Variants in CLIC4 observed in about 807,000 individuals in gnomAD.
CLIC4 encodes chloride intracellular channel protein 4.
A neutral mutation model predicts 24.6 loss-of-function variants in CLIC4; 13 were observed. The observed-to-expected ratio is 0.53, with a 90% CI of 0.34 to 0.84. CLIC4 has a LOEUF of 0.84. CLIC4 is among the 40% of genes least tolerant of loss of function. CLIC4 has a pLI of 0.01. For synonymous variants in CLIC4, 104 were observed against 111.3 expected (o/e 0.93, Z 0.41); for missense variants, 227 against 301.7 (o/e 0.75, Z 1.83).
chr1:24,786,644 G>A (rs1210151581), intron 1 of CLIC4, among the ~76,000 whole-genome samples: 1 of 151,970 alleles, frequency 6.6e-6, no homozygotes, highest in Non-Finnish European at 1.5e-5. Context: ...TTCAGACGGA[G>A]TCTTGCTCTG....
At chr1:24,805,839 A>G (rs1326492480) in intron 2 of CLIC4, among the ~76,000 whole-genome samples, 1 of 152,208 alleles carries the variant, frequency 6.6e-6, no homozygotes, top group African/African-American at 2.4e-5. Flanking sequence ...GTCTCTTAAA[A>G]TATTAGCTCC....
At chr1:24,795,294 A>C (rs187965532) in intron 1 of CLIC4, among the ~76,000 whole-genome samples, 3 of 152,316 alleles carry the variant, frequency 2.0e-5, no homozygotes, top group Non-Finnish European at 4.4e-5. Flanking sequence ...CCATTCATTA[A>C]GTAGGATTAG....
At position 24,839,780 on chromosome 1, in the gene CLIC4, C is replaced by G; in HGVS notation, c.416-80C>G. 3.2e-6 allele frequency: 4 copies of G among 1,246,276 alleles called. No homozygotes were observed. In the South Asian group the frequency reaches 5.8e-5, roughly 18 times the overall value. 77.2% of individuals were successfully genotyped at this position (1,246,276 alleles called of 1,614,324 possible). The stretch of plus-strand genomic sequence containing the variant: ...GTAAACATTTTTAAACAGTTATTGA[C>G]TCAAAGAGTCTGCTTCTCCTTGGGG... On this transcript the variant is annotated intron_variant, in intron 4 of 5. Transcript: ENST00000374379.
chr1:24,807,302 C>CT (rs546284342), intron 2 of CLIC4, among the ~76,000 whole-genome samples: 23 of 151,154 alleles, frequency 1.5e-4, no homozygotes, highest in Non-Finnish European at 2.8e-4. Context: ...AGCATTGAGA[C>CT]TGTTACAAAT....
chr1:24,778,659 A>G (rs756821320), intron 1 of CLIC4, among the ~76,000 whole-genome samples: 4 of 152,226 alleles, frequency 2.6e-5, no homozygotes, highest in South Asian at 2.1e-4. Flanking sequence ...CGGACAGTCA[A>G]TATTTTAAAT....
chr1:24,802,079 C>T (rs1390998612), intron 2 of CLIC4, among the ~76,000 whole-genome samples: 1 of 152,108 alleles, frequency 6.6e-6, no homozygotes, highest in Non-Finnish European at 1.5e-5. Flanking sequence ...ACATGAATTT[C>T]TCCTATTCCA....
intron 1 of CLIC4, among the ~76,000 whole-genome samples, chr1:24,792,079 A>G (rs1005720168): frequency 7.3e-5 from 11 of 149,882 alleles, no homozygotes; most frequent in Non-Finnish European, 1.6e-4. Context: ...AAGAAATTTG[A>G]ATTTTTCCAC....
intron 2 of CLIC4, among the ~76,000 whole-genome samples, chr1:24,809,433 A>G (rs1388921097): frequency 2.0e-5 from 3 of 152,104 alleles, no homozygotes; most frequent in Admixed American, 2.0e-4. Context: ...TCTATCTTGA[A>G]AATTCTGATG....
In CLIC4 at chr1:24,832,340, G is replaced by A. The variant is rs1422498966; in HGVS notation, c.415+5224G>A. On this transcript the variant is annotated intron_variant, in intron 4 of 5. Transcript: ENST00000374379. ...GTTTCTCGCAGAGGGGGATTTGGCAGGGTCATAGGACAATAGTGGAGGGAA... is the reference window on the plus strand; with the variant it reads ...GTTTCTCGCAGAGGGGGATTTGGCAAGGTCATAGGACAATAGTGGAGGGAA... Among the ~76,000 whole-genome samples, 8 of 10,512 alleles carry A rather than the reference G, an allele frequency of 7.6e-4. 3 individuals are homozygous for A. Among genetic ancestry groups the A allele is most frequent in the African/African-American group, 8.1e-4 (8 of 9,826 alleles). The allele number at this position is 10,512 out of a possible 152,430, so 6.9% of individuals were successfully genotyped here. A position where few individuals can be genotyped will look rare whatever the true frequency, so the allele number is the denominator to read the frequency against.
intron 1 of CLIC4, among the ~76,000 whole-genome samples, chr1:24,797,314 C>T (rs1283984296): frequency 1.3e-5 from 2 of 151,616 alleles, no homozygotes; most frequent in Non-Finnish European, 2.9e-5. Context: ...TGGCTCATGC[C>T]TGTAATCCCA....
Position 24,824,835 on chromosome 1 carries a change from C to CA in CLIC4, c.309-2168dup, listed in dbSNP as rs113769747. 3.0e-3 allele frequency among the ~76,000 whole-genome samples: 457 copies of CA among 151,740 alleles called. 1 individual carries two copies. Among genetic ancestry groups the CA allele is most frequent in the African/African-American group, 0.01 (426 of 41,378 alleles). ...GCAACATGGGGAAACCTCGTCTCTA[C>CA]AAAAAAATACAAAAAGCTAGCCAAG... On this transcript the variant is annotated intron_variant, in intron 3 of 5. Transcript: ENST00000374379.
In CLIC4 at chr1:24,816,234, GTTTTTTTTTTTT is replaced by G. The variant is rs71752506; in HGVS notation, c.308+2026_308+2037del. ...CCTCCCATGAATCATGAATGTTCGT[GTTTTTTTTTTTT>G]TTTTTTTTTTGGACGGAGTTTTCGT... On this transcript the variant is annotated intron_variant, in intron 3 of 5. Transcript: ENST00000374379. Among the ~76,000 whole-genome samples the G allele has an allele frequency of 3.4e-4, 21 of 62,150 alleles. No homozygotes were observed. The South Asian group carries it at 5.7e-3, about 17-fold the overall frequency. The allele number at this position is 62,150 out of a possible 152,430, so 40.8% of individuals were successfully genotyped here. A position where few individuals can be genotyped will look rare whatever the true frequency, so the allele number is the denominator to read the frequency against.
At chr1:24,767,038 A>AG (rs1312137129) in intron 1 of CLIC4, among the ~76,000 whole-genome samples, 2 of 150,734 alleles carry the variant, frequency 1.3e-5, no homozygotes, top group African/African-American at 4.9e-5. Flanking sequence ...AAAAAAAAAA[A>AG]AAAAAAAAAA....
At chr1:24,789,949 A>T (rs1278466712) in intron 1 of CLIC4, among the ~76,000 whole-genome samples, 2 of 152,176 alleles carry the variant, frequency 1.3e-5, no homozygotes. Flanking sequence ...TCTGACACTC[A>T]AGTAAGACTC....
At chr1:24,797,682 T>TA (rs1639419831) in intron 1 of CLIC4, 60 bp from the exon 2 acceptor site, 3 of 1,175,378 alleles carry the variant, frequency 2.6e-6, no homozygotes, top group Non-Finnish European at 3.6e-6. Flanking sequence ...CAGAAAAAGT[T>TA]ATGTCATGTT....
intron 1 of CLIC4, among the ~76,000 whole-genome samples, chr1:24,781,869 C>G (rs1639209529): frequency 6.6e-6 from 1 of 151,974 alleles, no homozygotes; most frequent in South Asian, 2.1e-4. Flanking sequence ...CCAGGCTGGT[C>G]TCAAACTCCT....
At chr1:24,773,955 T>G (rs1639101720) in intron 1 of CLIC4, among the ~76,000 whole-genome samples, 1 of 151,930 alleles carries the variant, frequency 6.6e-6, no homozygotes, top group African/African-American at 2.4e-5. Context: ...AGGAGCATGT[T>G]TCTTTTTTAT....
At chr1:24,826,797 C>T (rs932143016) in intron 3 of CLIC4, among the ~76,000 whole-genome samples, 1 of 152,020 alleles carries the variant, frequency 6.6e-6, no homozygotes, top group Non-Finnish European at 1.5e-5. Flanking sequence ...CTGTGGTTGC[C>T]AAGAATATTA....
At chr1:24,752,417 C>A (rs1638787800) in intron 1 of CLIC4, among the ~76,000 whole-genome samples, 2 of 152,112 alleles carry the variant, frequency 1.3e-5, no homozygotes, top group South Asian at 2.1e-4. Context: ...CGGGCTCTTT[C>A]TAGCTTATTT....
Sources: gnomAD v4.1 joint callset for allele counts (sites outside exome capture counted in the v4.1 genomes callset) on GRCh38, gnomAD v4.1.1 for gene constraint, MANE v1.5 for transcripts, NCBI Gene and HGNC (gene_info 2026-07-23, HGNC 2026-07-21) for gene names.